NRXN1: variants seen among roughly 807,000 people sequenced by gnomAD.
NRXN1 encodes neurexin 1.
Under a neutral mutation model 150.9 loss-of-function variants are expected in NRXN1, and 39 were observed. The observed-to-expected ratio is 0.26, with a 90% CI of 0.20 to 0.34. The LOEUF (loss-of-function observed/expected upper bound fraction) is 0.34. NRXN1 is among the 10% of genes least tolerant of loss of function. The probability of loss-of-function intolerance (pLI) is 1.00; values close to 1 mark genes in which losing one functional copy is unlikely to be tolerated. For missense variants in NRXN1, 1,815 were observed against 1,949.9 expected, an observed-to-expected ratio of 0.93 and a Z score of 1.30; for synonymous variants, 924 against 757.0, an observed-to-expected ratio of 1.22 and a Z score of -3.62.
chr2:50,608,813 G>T (rs1489314088), intron 8 of NRXN1, among the ~76,000 whole-genome samples: 1 of 152,064 alleles, frequency 6.6e-6, no homozygotes, highest in Non-Finnish European at 1.5e-5. Flanking sequence ...AAGACTAATT[G>T]CTTCTGAAAA....
Position 50,550,853 on chromosome 2 carries a change from T to G in NRXN1, c.1759+1734A>C, listed in dbSNP as rs192559171. Among the ~76,000 whole-genome samples the G allele has an allele frequency of 6.9e-3, 1,052 of 151,694 alleles. 4 individuals carry two copies. The highest frequency in any genetic ancestry group is 0.023 in the African/African-American group (971 of 41,344). ...CCGCCACCACGCCCGACTAATTTTT[T>G]TGTATTTTTAGTAGAGACGGGGTTT... On this transcript the variant is annotated intron_variant, in intron 9 of 22. Transcript: ENST00000401669.
At chr2:50,801,785 G>A (rs1707634261) in intron 5 of NRXN1, among the ~76,000 whole-genome samples, 1 of 152,184 alleles carries the variant, frequency 6.6e-6, no homozygotes, top group African/African-American at 2.4e-5. Flanking sequence ...TGGTAAAGCA[G>A]TGAATGCTTC....
At chr2:50,277,877 T>G (rs1332063616) in intron 17 of NRXN1, among the ~76,000 whole-genome samples, 1 of 151,860 alleles carries the variant, frequency 6.6e-6, no homozygotes, top group Non-Finnish European at 1.5e-5. Context: ...TCTACCTTGA[T>G]CAGAAATATG....
At chr2:50,870,685 C>T (rs1677647980) in intron 5 of NRXN1, among the ~76,000 whole-genome samples, 1 of 151,926 alleles carries the variant, frequency 6.6e-6, no homozygotes, top group Non-Finnish European at 1.5e-5. Flanking sequence ...TAAATGTTGC[C>T]TGGATTCTTG....
chr2:50,898,460 G>C (rs1387718467), intron 5 of NRXN1: 1 of 273,790 alleles, frequency 3.7e-6, no homozygotes, highest in Non-Finnish European at 7.2e-6. Context: ...TTTTCAAAGA[G>C]TTTTATTTTC....
At chr2:50,623,260 C>T (rs1680369793) in intron 6 of NRXN1, 54 bp downstream of exon 6, 1 of 1,433,606 alleles carries the variant, frequency 7.0e-7, no homozygotes. Context: ...GTACCACACA[C>T]ACAGCTATAG....
Position 49,920,259 on chromosome 2 carries a change from A to G in NRXN1, c.*1685T>C, listed in dbSNP as rs942143464. The stretch of plus-strand genomic sequence containing the variant: ...ACAGAGAATGATTTTTTAAGTGGGT[A>G]GTAATACAGAATCAAAAATTACTGA... On this transcript the variant is annotated 3_prime_UTR_variant, in exon 23 of 23. Transcript: ENST00000401669. 9.2e-5 allele frequency: 14 copies of G among 152,350 alleles called. No individual in the cohort carries two copies. The highest frequency in any genetic ancestry group is 1.5e-4 in the Non-Finnish European group (10 of 68,024). The allele number at this position is 152,350 out of a possible 1,614,324, so 9.4% of individuals were successfully genotyped here. A position where few individuals can be genotyped will look rare whatever the true frequency, so the allele number is the denominator to read the frequency against.
chr2:50,708,983 C>T (rs1206075097), intron 5 of NRXN1, among the ~76,000 whole-genome samples: 3 of 152,120 alleles, frequency 2.0e-5, no homozygotes, highest in African/African-American at 7.2e-5. Context: ...GGGTTCTATG[C>T]AGACATTTGA....
chr2:50,747,496 T>G (rs1700151752), intron 5 of NRXN1, among the ~76,000 whole-genome samples: 1 of 152,098 alleles, frequency 6.6e-6, no homozygotes, highest in East Asian at 1.9e-4. Flanking sequence ...GAAGGTTCCA[T>G]CTCTTTCCCT....
At chr2:50,220,007 A>AT (rs1378205239) in intron 18 of NRXN1, among the ~76,000 whole-genome samples, 18 of 37,056 alleles carry the variant, frequency 4.9e-4, no homozygotes, top group African/African-American at 2.5e-3. Flanking sequence ...TATATTATAT[A>AT]ATATATTATA....
chr2:50,561,539 A>G (rs1195489573), intron 8 of NRXN1, among the ~76,000 whole-genome samples: 1 of 152,212 alleles, frequency 6.6e-6, no homozygotes, highest in Admixed American at 6.5e-5. Flanking sequence ...TTCAGTGTTC[A>G]GTGTTCTTTC....
chr2:50,350,946 C>T (rs2078366770), intron 17 of NRXN1, among the ~76,000 whole-genome samples: 1 of 152,130 alleles, frequency 6.6e-6, no homozygotes, highest in Admixed American at 6.5e-5. Flanking sequence ...AGGGTGTATG[C>T]TGTGATACGG....
intron 21 of NRXN1, among the ~76,000 whole-genome samples, chr2:50,013,353 C>T (rs1463449077): frequency 6.8e-6 from 1 of 147,364 alleles, no homozygotes; most frequent in Non-Finnish European, 1.5e-5. Flanking sequence ...GCATTCTGTA[C>T]AAATGATTTT....
chr2:50,866,020 T>G (rs1046902469), intron 5 of NRXN1, among the ~76,000 whole-genome samples: 1 of 151,752 alleles, frequency 6.6e-6, no homozygotes, highest in African/African-American at 2.4e-5. Flanking sequence ...ATTTTTCATG[T>G]TTTTTCTTTC....
At chr2:50,905,977 TA>T (rs767063507) in intron 5 of NRXN1, among the ~76,000 whole-genome samples, 10 of 152,096 alleles carry the variant, frequency 6.6e-5, no homozygotes, top group Non-Finnish European at 1.5e-4. Context: ...CTAAGTTTAT[TA>T]AGACAAATTT....
chr2:50,323,143 A>G (rs975043085), intron 17 of NRXN1, among the ~76,000 whole-genome samples: 2 of 152,170 alleles, frequency 1.3e-5, no homozygotes, highest in African/African-American at 4.8e-5. Context: ...TGTACCCTAT[A>G]TGGTTGTTCA....
chr2:50,165,107 G>T (rs2059595455), intron 18 of NRXN1, among the ~76,000 whole-genome samples: 1 of 152,126 alleles, frequency 6.6e-6, no homozygotes, highest in African/African-American at 2.4e-5. Context: ...ACCCCCTGAG[G>T]TTGCTGAAGA....
intron 5 of NRXN1, among the ~76,000 whole-genome samples, chr2:50,880,770 G>A (rs1303270373): frequency 6.6e-6 from 1 of 151,932 alleles, no homozygotes; most frequent in Admixed American, 6.6e-5. Context: ...CAGGTCTATA[G>A]AAATACACTG....
chr2:50,409,324 C>T (rs1259105432), intron 17 of NRXN1, among the ~76,000 whole-genome samples: 4 of 152,188 alleles, frequency 2.6e-5, no homozygotes, highest in Non-Finnish European at 4.4e-5. Context: ...ACCTCCTTTA[C>T]TCATATGACA....
Sources: allele counts gnomAD v4.1 joint callset (sites outside exome capture counted in the v4.1 genomes callset), GRCh38; gene constraint gnomAD v4.1.1; transcripts MANE v1.5; gene names NCBI Gene and HGNC (gene_info 2026-07-23, HGNC 2026-07-21).